The following EIF4B variants were observed in gnomAD, a reference collection of about 807,000 sequenced individuals.
EIF4B encodes eukaryotic translation initiation factor 4B.
EIF4B carries 8 observed loss-of-function variants against 79.3 expected under a neutral mutation model. The ratio of observed to expected loss-of-function variants is 0.10; its 90% CI spans 0.06 to 0.18. The LOEUF (loss-of-function observed/expected upper bound fraction) is 0.18. EIF4B is among the 10% of genes least tolerant of loss of function. The pLI is 1.00. For synonymous variants in EIF4B, 238 were observed against 274.7 expected (o/e 0.87, Z 1.32); for missense variants, 515 against 792.4 (o/e 0.65, Z 4.20).
chr12:53,038,810 CTGTCTCA>C (rs1943581431), intron 12 of EIF4B: 1 of 82,058 alleles, frequency 1.2e-5, no homozygotes, highest in Non-Finnish European at 2.8e-5. Flanking sequence ...GAGCAAGACT[CTGTCTCA>C]AAAAAAAAAG....
At chr12:53,008,373 C>G (rs1249558351) in intron 1 of EIF4B, among the ~76,000 whole-genome samples, 1 of 152,176 alleles carries the variant, frequency 6.6e-6, no homozygotes, top group East Asian at 1.9e-4. Flanking sequence ...ATCTTTTTAG[C>G]TGGTACTGGT....
At chr12:53,039,471 C>A in intron 13 of EIF4B, 128 bp downstream of exon 13, 1 of 1,218,768 alleles carries the variant, frequency 8.2e-7, no homozygotes, top group Non-Finnish European at 1.1e-6. Flanking sequence ...CCAACGTAGA[C>A]AGTTAAGATT....
chr12:53,011,646 G>C (rs1190468807), intron 1 of EIF4B, among the ~76,000 whole-genome samples: 1 of 152,242 alleles, frequency 6.6e-6, no homozygotes, highest in African/African-American at 2.4e-5. Context: ...TCTGAGTTAA[G>C]AAGTAGGCTG....
intron 1 of EIF4B, among the ~76,000 whole-genome samples, chr12:53,010,452 G>A (rs555363594): frequency 1.3e-5 from 2 of 152,232 alleles, no homozygotes; most frequent in African/African-American, 2.4e-5. Flanking sequence ...AAGTCAGGGA[G>A]CATCTATATA....
chr12:53,015,433 A>AT (rs372206026), intron 1 of EIF4B, among the ~76,000 whole-genome samples: 14 of 152,138 alleles, frequency 9.2e-5, no homozygotes, highest in African/African-American at 3.4e-4. Context: ...TAATCCCAGC[A>AT]TTTTGGGAGG....
At position 53,033,875 on chromosome 12, in the gene EIF4B, G is replaced by T; in HGVS notation, c.1049G>T (p.Ser350Ile). 1 of 1,614,060 alleles carries T rather than the reference G, an allele frequency of 6.2e-7. No homozygotes were observed. Among genetic ancestry groups the T allele is most frequent in the Non-Finnish European group, 8.5e-7 (1 of 1,179,906 alleles). The part of the protein sequence containing the change: ...STPKEDDSSA[S>I]TSQSTRAASI... ...CCTAAGGAAGATGATTCCTCTGCTA[G>T]TACCTCCCAGTCCACTCGAGCTGCT... is the stretch of plus-strand genomic sequence containing the variant. Residue 350 changes from serine to isoleucine, a missense_variant, in exon 9 of 15, where the codon AGT becomes ATT. Transcript: ENST00000262056.
chr12:53,042,169 G>GT lies in EIF4B; in HGVS notation c.*1952dup, dbSNP rs1031412296. On this transcript the variant is annotated 3_prime_UTR_variant, in exon 15 of 15. Coordinates refer to ENST00000262056, the MANE Select transcript of EIF4B (RefSeq NM_001417.7). ...TAAAATCCCATCCTTTGGGTTGTGGGTTTTTTGTTTTCTCCAAATAAATCT... is the reference window on the plus strand; with the variant it reads ...TAAAATCCCATCCTTTGGGTTGTGGGTTTTTTTGTTTTCTCCAAATAAATCT... The GT allele has an allele frequency of 6.6e-6, 1 of 152,562 alleles. No individual in the cohort carries two copies. The highest frequency in any genetic ancestry group is 2.4e-5 in the African/African-American group (1 of 41,422). 9.5% of individuals were successfully genotyped at this position (152,562 alleles called of 1,614,324 possible).
At chr12:53,038,283 G>T in intron 11 of EIF4B, 73 bp from the exon 12 acceptor site, 1 of 1,387,008 alleles carries the variant, frequency 7.2e-7, no homozygotes, top group Non-Finnish European at 9.8e-7. Flanking sequence ...ACTGCATTTG[G>T]AGGATGATTA....
chr12:53,012,410 C>T (rs1943079145), intron 1 of EIF4B: 1 of 151,658 alleles, frequency 6.6e-6, no homozygotes, highest in African/African-American at 2.4e-5. Flanking sequence ...CAAAATTAGC[C>T]AGGTGTGGTG....
At position 53,024,054 on chromosome 12, in the gene EIF4B, CATT is replaced by C. The variant is rs1366829631; in HGVS notation, c.667+1433_667+1435del. 1.1e-4 allele frequency among the ~76,000 whole-genome samples: 16 copies of C among 152,136 alleles called. No homozygotes were observed. The East Asian group carries it at 1.5e-3, about 15-fold the overall frequency. On this transcript the variant is annotated intron_variant, in intron 6 of 14. Coordinates refer to ENST00000262056, the MANE Select transcript of EIF4B (RefSeq NM_001417.7). ...GAAAATCCTGTCTTTATTGGGCATA[CATT>C]ATTATAGTGGAGGGAAGAGACAGTG...
intron 13 of EIF4B, 138 bp from the exon 14 acceptor site, chr12:53,039,492 A>G (rs960316380): frequency 1.7e-5 from 21 of 1,262,290 alleles, no homozygotes; most frequent in African/African-American, 1.5e-4. Flanking sequence ...CTGAAAATCT[A>G]GAAGTAATAC....
chr12:53,034,801 C>T, intron 10 of EIF4B, 92 bp downstream of exon 10: 2 of 1,398,352 alleles, frequency 1.4e-6, no homozygotes, highest in Non-Finnish European at 2.0e-6. Flanking sequence ...TATTTAAATT[C>T]AGTCATGAAC....
At chr12:53,015,309 C>T (rs573015025) in intron 1 of EIF4B, among the ~76,000 whole-genome samples, 4 of 152,260 alleles carry the variant, frequency 2.6e-5, no homozygotes, top group South Asian at 4.1e-4. Flanking sequence ...TCAGCCTAGC[C>T]ATCTAATGTC....
At chr12:53,006,540 C>G (rs1565752322) in intron 1 of EIF4B, 44 bp downstream of exon 1, 1 of 1,613,150 alleles carries the variant, frequency 6.2e-7, no homozygotes, top group Non-Finnish European at 8.5e-7. Flanking sequence ...GCTCTGAAAC[C>G]CCCCTCCGAG....
chr12:53,039,590 C>T (rs757019591), intron 13 of EIF4B, 40 bp from the exon 14 acceptor site: 58 of 1,609,844 alleles, frequency 3.6e-5, no homozygotes, highest in Non-Finnish European at 4.8e-5. Flanking sequence ...TTAGGCGAGT[C>T]CTTTCCTAAA....
At chr12:53,019,437 A>ATTTTTTTTTTTTT (rs1337954535) in intron 3 of EIF4B, among the ~76,000 whole-genome samples, 1 of 51,004 alleles carries the variant, frequency 2.0e-5, no homozygotes, top group Admixed American at 3.1e-4. Flanking sequence ...ATATATATAT[A>ATTTTTTTTTTTTT]TTTTTTTTTT....
chr12:53,038,497 T>A, intron 12 of EIF4B, 86 bp downstream of exon 12: 1 of 1,320,236 alleles, frequency 7.6e-7, no homozygotes, highest in Non-Finnish European at 1.0e-6. Flanking sequence ...GAGCAGTGTG[T>A]CTCGCACCTG....
chr12:53,010,146 G>C (rs1241590206), intron 1 of EIF4B, among the ~76,000 whole-genome samples: 1 of 152,174 alleles, frequency 6.6e-6, no homozygotes, highest in African/African-American at 2.4e-5. Flanking sequence ...TATTTTGTTT[G>C]ATTATGTATA....
At position 53,006,505 on chromosome 12, in the gene EIF4B, G is replaced by A; in HGVS notation, c.13+9G>A. 6.2e-7 allele frequency: 1 copy of A among 1,613,556 alleles called. No individual in the cohort carries two copies. Among genetic ancestry groups the A allele is most frequent in the South Asian group, 1.1e-5 (1 of 91,078 alleles). On this transcript the variant is annotated intron_variant, in intron 1 of 14. Transcript: ENST00000262056. Reference sequence around the variant, plus strand: ...CAACATGGCGGCCTCAGGTGAGCGAGCAGCCGAGCGCGGCCAAGGACTGGG... The same window carrying A: ...CAACATGGCGGCCTCAGGTGAGCGAACAGCCGAGCGCGGCCAAGGACTGGG...
Sources: allele counts gnomAD v4.1 joint callset (sites outside exome capture counted in the v4.1 genomes callset), GRCh38; gene constraint gnomAD v4.1.1; transcripts MANE v1.5; gene names NCBI Gene and HGNC (gene_info 2026-07-23, HGNC 2026-07-21).